Variants in NPHP4 observed in about 807,000 individuals in gnomAD.
The protein encoded by NPHP4 is nephrocystin 4.
NPHP4 carries 151 observed loss-of-function variants against 155.8 expected under a neutral mutation model. The observed-to-expected ratio is 0.97, with a 90% CI of 0.85 to 1.11. The LOEUF (loss-of-function observed/expected upper bound fraction) is 1.11. Ranked by LOEUF, NPHP4 falls within the 50% of genes least tolerant of loss-of-function variation. The pLI is 0.00. For synonymous variants in NPHP4, 845 were observed against 816.8 expected, an observed-to-expected ratio of 1.03 and a Z score of -0.59; for missense variants, 1,956 against 1,925.7, an observed-to-expected ratio of 1.02 and a Z score of -0.29.
chr1:5,874,893 T>C lies in NPHP4; in HGVS notation c.3025A>G (p.Ile1009Val). The C allele has an allele frequency of 6.2e-7, 1 of 1,613,574 alleles. No individual in the cohort carries two copies. The highest frequency in any genetic ancestry group is 8.5e-7 in the Non-Finnish European group (1 of 1,179,730). ...CCTCACCTGAGCTCGGGGTTGTCGA[T>C]CTCCACAGTCACCGTGTGCTGTGTG... ...HNTQHTVTVE[I>V]DNPELSVIVD... is the part of the protein sequence containing the mutation. The change falls in exon 21 of 30, where the codon ATC becomes GTC. Residue 1009 changes from isoleucine (I) to valine (V), a missense_variant. Transcript: ENST00000378156.
intron 16 of NPHP4, among the ~76,000 whole-genome samples, chr1:5,902,336 C>T (rs1426530139): frequency 6.6e-6 from 1 of 152,248 alleles, no homozygotes; most frequent in African/African-American, 2.4e-5. Context: ...CCTCCACCTG[C>T]ATCAAAGGCC....
chr1:5,965,726 G>A (rs1343939545), intron 5 of NPHP4, among the ~76,000 whole-genome samples: 3 of 152,180 alleles, frequency 2.0e-5, no homozygotes, highest in Non-Finnish European at 4.4e-5. Context: ...CCTCAGGACT[G>A]GAACCAGCCC....
chr1:5,951,696 CTAGA>C (rs1648097490), intron 7 of NPHP4, among the ~76,000 whole-genome samples: 2 of 152,232 alleles, frequency 1.3e-5, no homozygotes, highest in Admixed American at 1.3e-4. Context: ...CCCAATTTTT[CTAGA>C]CCAAGGACAG....
In NPHP4 at chr1:5,867,134, C is replaced by G; in HGVS notation, c.3473-19G>C. The G allele has an allele frequency of 1.3e-6, 2 of 1,586,868 alleles. No homozygotes were observed. The highest frequency in any genetic ancestry group is 2.3e-5 in the South Asian group (2 of 88,446). ...GGAGCACCTGGAGCAGGGGAAATGTCAAAAAGAGTCTTCTCCACAGCCCCA... is the reference window on the plus strand; with the variant it reads ...GGAGCACCTGGAGCAGGGGAAATGTGAAAAAGAGTCTTCTCCACAGCCCCA... On this transcript the variant is annotated intron_variant, in intron 24 of 29. Coordinates refer to ENST00000378156, the MANE Select transcript of NPHP4 (RefSeq NM_015102.5). This position sits in a 1 kb window ranked among gnomAD's most constrained non-coding sequence, Gnocchi z 4.1.
intron 16 of NPHP4, among the ~76,000 whole-genome samples, chr1:5,896,291 G>C (rs1198742098): frequency 6.6e-6 from 1 of 152,142 alleles, no homozygotes; most frequent in African/African-American, 2.4e-5. Flanking sequence ...AATTAAAAAG[G>C]AAAGCAAACA....
intron 11 of NPHP4, among the ~76,000 whole-genome samples, chr1:5,924,428 T>G (rs554144948): frequency 6.6e-6 from 1 of 152,172 alleles, no homozygotes; most frequent in South Asian, 2.1e-4. Context: ...AGAATCATTC[T>G]GGGCAAGCAG....
At chr1:5,968,478 T>C (rs994598150) in intron 4 of NPHP4, among the ~76,000 whole-genome samples, 1 of 152,028 alleles carries the variant, frequency 6.6e-6, no homozygotes, top group Admixed American at 6.6e-5. Flanking sequence ...GGCACAGACC[T>C]GTAATCCCAG....
chr1:5,905,638 G>A lies in NPHP4; in HGVS notation c.1757C>T (p.Thr586Ile). 1 of 1,613,886 alleles carries A rather than the reference G, an allele frequency of 6.2e-7. No homozygotes were observed. The highest frequency in any genetic ancestry group is 8.5e-7 in the Non-Finnish European group (1 of 1,179,852). The stretch of plus-strand genomic sequence containing the variant: ...ACCCAGACCCACACCTCACCTCCTG[G>A]TCTGGGTTCCCACAACAATAGGGGC... ...LHAPIVVGTQ[T>I]RSSAGQPSRA... is the part of the protein sequence containing the mutation. Residue 586 changes from threonine (T) to isoleucine (I), a missense_variant, in exon 14 of 30, where the codon ACC becomes ATC. Coordinates refer to ENST00000378156, the MANE Select transcript of NPHP4 (RefSeq NM_015102.5). This position sits in a 1 kb window ranked among gnomAD's most constrained non-coding sequence, Gnocchi z 4.0.
chr1:5,899,285 A>T (rs989255944), intron 16 of NPHP4, among the ~76,000 whole-genome samples: 2 of 152,218 alleles, frequency 1.3e-5, no homozygotes, highest in Non-Finnish European at 2.9e-5. Context: ...TTGAATGGAG[A>T]AGCATCACAG....
At chr1:5,946,971 A>ACTTATTATTTATAAT in intron 9 of NPHP4, 133 bp downstream of exon 9, 1 of 960,036 alleles carries the variant, frequency 1.0e-6, no homozygotes, top group Non-Finnish European at 1.6e-6. Flanking sequence ...AAATGTCAGT[A>ACTTATTATTTATAAT]AAGTGATTTT....
rs112201675 is a variant in NPHP4, at chr1:5,895,431, T to C, written c.2144-4403A>G. 3.4e-3 allele frequency among the ~76,000 whole-genome samples: 511 copies of C among 151,184 alleles called. 4 individuals carry two copies. Among genetic ancestry groups the C allele is most frequent in the African/African-American group, 0.012 (481 of 41,140 alleles). On this transcript the variant is annotated intron_variant, in intron 16 of 29. Transcript: ENST00000378156. ...AGGAGAATCACTTGAACCCGGGAGG[T>C]GGAGGCTGCAGTTTGCCAAGATCGC...
In NPHP4 at chr1:5,904,749, G is replaced by A. The variant is rs1025515771; in HGVS notation, c.2011C>T (p.Gln671Ter). 3 of 1,613,868 alleles carry A rather than the reference G, an allele frequency of 1.9e-6. No individual in the cohort carries two copies. Among genetic ancestry groups the A allele is most frequent in the African/African-American group, 1.3e-5 (1 of 74,926 alleles). The change falls in exon 16 of 30, where the codon CAG becomes TAG. Residue 671 changes from glutamine (Q) to a stop codon, truncating the protein, a stop_gained. Transcript: ENST00000378156. LOFTEE classifies it high-confidence loss of function. ...GTTGCGGGTGGGAAGCGGTAGAACT[G>A]GAAGGTGAAATACACAGTCTTTGGC... ...SWPKTVYFTFQFYRFPPATTP... is the reference protein window; with the variant it reads ...SWPKTVYFTF
chr1:5,947,183 T>C lies in NPHP4; in HGVS notation c.1040A>G (p.Glu347Gly). The change falls in exon 9 of 30, where the codon GAG becomes GGG. Residue 347 changes from glutamate (E) to glycine (G), a missense_variant. Physicochemically the swap from Glu to Gly is moderately conservative, Grantham distance 98 (BLOSUM62 -2). Transcript: ENST00000378156. ...CGCAAATGCAGGGTGGCCGACCATCTCTGGGAGGCGGAGGCGGCTTCTCAA... is the reference window on the plus strand; with the variant it reads ...CGCAAATGCAGGGTGGCCGACCATCCCTGGGAGGCGGAGGCGGCTTCTCAA... ...LVLRSRLRLPEMVGHPAFAVI... is the reference protein window; with the variant it reads ...LVLRSRLRLPGMVGHPAFAVI... The C allele has an allele frequency of 6.2e-7, 1 of 1,613,932 alleles. No homozygotes were observed. The highest frequency in any genetic ancestry group is 1.7e-4 in the Middle Eastern group (1 of 6,058).
rs1644891359 is a variant in NPHP4 at position 5,905,838 on chromosome 1, A to T, written c.1612-55T>A. 6.5e-7 allele frequency: 1 copy of T among 1,531,044 alleles called. No homozygotes were observed. Among genetic ancestry groups the T allele is most frequent in the Admixed American group, 1.9e-5 (1 of 51,922 alleles). 94.8% of individuals were successfully genotyped at this position (1,531,044 alleles called of 1,614,324 possible). ...CCACCAAGGACCCCAACCCGTAACAACCAACGGTGCTCAGATCTAAGGGGA... is the reference window on the plus strand; with the variant it reads ...CCACCAAGGACCCCAACCCGTAACATCCAACGGTGCTCAGATCTAAGGGGA... On this transcript the variant is annotated intron_variant, in intron 13 of 29. Coordinates refer to ENST00000378156, the MANE Select transcript of NPHP4 (RefSeq NM_015102.5). The surrounding 1 kb of genome is among the most constrained non-coding windows in gnomAD (Gnocchi z 4.0).
At chr1:5,978,577 G>T (rs752935044) in intron 2 of NPHP4, among the ~76,000 whole-genome samples, 164 bp from the exon 3 acceptor site, 1 of 152,060 alleles carries the variant, frequency 6.6e-6, no homozygotes, top group African/African-American at 2.4e-5. Context: ...GTCTTGGTGG[G>T]GTTATAAACC....
At chr1:5,926,504 T>G (rs1377059183) in intron 11 of NPHP4, among the ~76,000 whole-genome samples, 2 of 152,324 alleles carry the variant, frequency 1.3e-5, no homozygotes, top group East Asian at 3.9e-4. Flanking sequence ...ACGTACAGAC[T>G]CTTTTTTTCT....
At position 5,907,147 on chromosome 1, in the gene NPHP4, G is replaced by A; in HGVS notation, c.1579C>T (p.Pro527Ser). Residue 527 changes from proline to serine, a missense_variant, in exon 13 of 30, where the codon CCC becomes TCC. Coordinates refer to ENST00000378156, the MANE Select transcript of NPHP4 (RefSeq NM_015102.5). ...HCLARPTSQL[P>S]HGSQASPAQA... Reference sequence around the variant, plus strand: ...GCCGGGGAGGCCTGAGAGCCATGGGGTAGCTGTGAAGTAGGCCTGGCCAAG... The same window carrying A: ...GCCGGGGAGGCCTGAGAGCCATGGGATAGCTGTGAAGTAGGCCTGGCCAAG... The A allele has an allele frequency of 6.3e-7, 1 of 1,578,698 alleles. No individual in the cohort carries two copies. Among genetic ancestry groups the A allele is most frequent in the Non-Finnish European group, 8.6e-7 (1 of 1,161,084 alleles).
At chr1:5,868,818 CCA>C (rs572026887) in intron 23 of NPHP4, among the ~76,000 whole-genome samples, 7 of 129,204 alleles carry the variant, frequency 5.4e-5, no homozygotes, top group East Asian at 4.9e-4. Flanking sequence ...ACACATCCAC[CCA>C]CACATGCACA....
chr1:5,884,801 C>A (rs1203327700), intron 18 of NPHP4, among the ~76,000 whole-genome samples: 1 of 144,220 alleles, frequency 6.9e-6, no homozygotes, highest in African/African-American at 2.6e-5. Flanking sequence ...AGATCACTGC[C>A]CAAGCTCCCA....
Sources: gnomAD v4.1 joint callset for allele counts (sites outside exome capture counted in the v4.1 genomes callset) on GRCh38, gnomAD v4.1.1 for gene constraint, Gnocchi (gnomAD v3.1) non-coding constraint, MANE v1.5 for transcripts, NCBI Gene and HGNC (gene_info 2026-07-23, HGNC 2026-07-21) for gene names.